The following RDX variants were observed in gnomAD, a reference collection of about 807,000 sequenced individuals.
The protein encoded by RDX is radixin, also known as deafness, autosomal recessive 24.
Under a neutral mutation model 83.7 loss-of-function variants are expected in RDX, and 32 were observed. That is an observed-to-expected ratio of 0.38 (90% CI 0.29 to 0.51). RDX has a LOEUF of 0.51. Ranked by LOEUF, RDX falls within the 20% of genes least tolerant of loss-of-function variation. The pLI, the probability that RDX is intolerant of heterozygous loss-of-function variation, is 0.87. For synonymous variants in RDX, 229 were observed against 222.7 expected (o/e 1.03, Z -0.25); for missense variants, 600 against 689.9 (o/e 0.87, Z 1.46).
At chr11:110,246,749 CAA>C (rs58535261) in intron 10 of RDX, among the ~76,000 whole-genome samples, 14 of 139,848 alleles carry the variant, frequency 1.0e-4, no homozygotes, top group Admixed American at 1.4e-4. Flanking sequence ...GACTGTGTCT[CAA>C]AAAAAAAAAA....
chr11:110,250,856 A>G (rs1859305473), intron 9 of RDX, among the ~76,000 whole-genome samples: 1 of 152,200 alleles, frequency 6.6e-6, no homozygotes, highest in Admixed American at 6.5e-5. Flanking sequence ...TCCAGCCAAC[A>G]CTTCATTCAA....
At chr11:110,226,066 C>CAAA (rs56228784), downstream of RDX, among the ~76,000 whole-genome samples, 9 of 110,836 alleles carry the variant, frequency 8.1e-5, no homozygotes, top group African/African-American at 2.9e-4. Context: ...AACTCCATCT[C>CAAA]AAAAAAAAAA....
chr11:110,246,448 C>T (rs1427208512), intron 10 of RDX, among the ~76,000 whole-genome samples: 1 of 151,894 alleles, frequency 6.6e-6, no homozygotes, highest in African/African-American at 2.4e-5. Context: ...CTACAAAATC[C>T]AAAACTTTTT....
rs146426963 is a variant in RDX at position 110,284,380 on chromosome 11, T to C, written c.-64-4624A>G. ...GTAATGTTGATACTATGTGATAACA[T>C]GGACTTCTCCAGGGTTGTGGGGGTT... is the stretch of plus-strand genomic sequence containing the variant. On this transcript the variant is annotated intron_variant, in intron 1 of 13. Transcript: ENST00000645495. 1.9e-3 allele frequency among the ~76,000 whole-genome samples: 291 copies of C among 152,356 alleles called. 2 individuals carry two copies. The highest frequency in any genetic ancestry group is 6.8e-3 in the African/African-American group (282 of 41,584).
intron 15 of RDX, among the ~76,000 whole-genome samples, chr11:110,189,243 T>TTA (rs1491576666): frequency 2.0e-4 from 7 of 35,594 alleles, no homozygotes; most frequent in African/African-American, 3.9e-4. Context: ...GAACAACAGG[T>TTA]AAAAAAAAAA....
chr11:110,188,277 A>G (rs1863025957), intron 15 of RDX, among the ~76,000 whole-genome samples: 1 of 150,420 alleles, frequency 6.6e-6, no homozygotes, highest in South Asian at 2.1e-4. Flanking sequence ...CTGGGCAACA[A>G]GAGCGAGACT....
intron 15 of RDX, among the ~76,000 whole-genome samples, chr11:110,190,297 G>A (rs913789011): frequency 8.6e-5 from 13 of 151,740 alleles, no homozygotes; most frequent in Admixed American, 6.6e-4. Context: ...AAAATTAGAC[G>A]GGCATTGTGG....
At position 110,265,821 on chromosome 11, in the gene RDX, G is replaced by A. The variant is rs1860016216; in HGVS notation, c.97-947C>T. ...GTGAATAAAGCTCTCCTACCATCTA[G>A]ATAAAATTAATCACTTGTTCCCTGA... On this transcript the variant is annotated intron_variant, in intron 3 of 13. Transcript: ENST00000645495. Among the ~76,000 whole-genome samples the A allele has an allele frequency of 3.3e-5, 5 of 152,084 alleles. No homozygotes were observed. In the South Asian group the frequency reaches 1.0e-3, roughly 31 times the overall value.
chr11:110,264,591 CTTT>C (rs1322878145), intron 4 of RDX, among the ~76,000 whole-genome samples, 185 bp downstream of exon 4: 3 of 137,152 alleles, frequency 2.2e-5, no homozygotes, highest in African/African-American at 2.7e-5. Flanking sequence ...GTAAGCATTT[CTTT>C]TTTTTTTTTT....
chr11:110,186,658 CAG>C (rs969108230), intron 15 of RDX, among the ~76,000 whole-genome samples: 1 of 152,064 alleles, frequency 6.6e-6, no homozygotes, highest in Non-Finnish European at 1.5e-5. Flanking sequence ...CTAGGAGGGT[CAG>C]AGAGTCCCTC....
At chr11:110,217,619 C>T (rs1864101583) in intron 14 of RDX, among the ~76,000 whole-genome samples, 1 of 152,172 alleles carries the variant, frequency 6.6e-6, no homozygotes, top group African/African-American at 2.4e-5. Context: ...ACAGCGGATA[C>T]CGTTGGCTCT....
At chr11:110,216,721 T>C (rs933880339) in intron 14 of RDX, among the ~76,000 whole-genome samples, 19 of 150,216 alleles carry the variant, frequency 1.3e-4, no homozygotes, top group Admixed American at 1.1e-3. Flanking sequence ...TCTTGCTATG[T>C]TGCCCAGGCT....
At chr11:110,289,766 A>T (rs1178595542) in intron 1 of RDX, among the ~76,000 whole-genome samples, 2 of 151,716 alleles carry the variant, frequency 1.3e-5, no homozygotes, top group Admixed American at 6.6e-5. Flanking sequence ...AAAATATAAA[A>T]ATTAGTCCCG....
chr11:110,289,235 T>C (rs1424403367), intron 1 of RDX, among the ~76,000 whole-genome samples: 2 of 106,282 alleles, frequency 1.9e-5, no homozygotes, highest in African/African-American at 4.0e-5. Flanking sequence ...CAAAACTCTA[T>C]CTCAAAAAAA....
At chr11:110,219,631 T>C (rs143542667) in intron 14 of RDX, among the ~76,000 whole-genome samples, 2 of 152,200 alleles carry the variant, frequency 1.3e-5, no homozygotes, top group African/African-American at 4.8e-5. Flanking sequence ...TTGGACTGGA[T>C]GGAGATTATG....
intron 1 of RDX, 22 bp from the exon 2 acceptor site, chr11:110,279,778 A>C: frequency 2.5e-6 from 2 of 816,064 alleles, no homozygotes; most frequent in Non-Finnish European, 4.1e-6. Flanking sequence ...AAAAAAGCAT[A>C]ATCTATTATC....
At chr11:110,289,264 T>G (rs1861116985) in intron 1 of RDX, among the ~76,000 whole-genome samples, 1 of 150,572 alleles carries the variant, frequency 6.6e-6, no homozygotes, top group South Asian at 2.1e-4. Context: ...AAAAAAAACT[T>G]TTTACAACTA....
At chr11:110,199,712 T>C (rs751224337) in intron 14 of RDX, 6 of 702,978 alleles carry the variant, frequency 8.5e-6, no homozygotes, top group Non-Finnish European at 1.3e-5. Flanking sequence ...TTAGAAAGCA[T>C]TTAGCAAAAG....
intron 9 of RDX, among the ~76,000 whole-genome samples, chr11:110,250,352 T>C (rs1475394146): frequency 1.3e-5 from 2 of 152,176 alleles, no homozygotes; most frequent in African/African-American, 4.8e-5. Flanking sequence ...AGGATGTTGA[T>C]TAGACTACCC....
Sources: allele counts gnomAD v4.1 joint callset (sites outside exome capture counted in the v4.1 genomes callset), GRCh38; gene constraint gnomAD v4.1.1; transcripts MANE v1.5; gene names NCBI Gene and HGNC (gene_info 2026-07-23, HGNC 2026-07-21).